Variants in REPS2 observed in about 807,000 individuals in gnomAD.
REPS2 encodes RALBP1 associated Eps domain containing 2.
A neutral mutation model predicts 53.6 loss-of-function variants in REPS2; 23 were observed. The ratio of observed to expected loss-of-function variants is 0.43; its 90% CI spans 0.31 to 0.61. The LOEUF (loss-of-function observed/expected upper bound fraction) is 0.61, where lower values mean the gene tolerates loss of function less well. Ranked by LOEUF, REPS2 falls within the 20% of genes least tolerant of loss-of-function variation. The pLI, the probability that REPS2 is intolerant of heterozygous loss-of-function variation, is 0.11. For synonymous variants in REPS2, 238 were observed against 218.6 expected, an observed-to-expected ratio of 1.09 and a Z score of -0.78; for missense variants, 446 against 534.9, an observed-to-expected ratio of 0.83 and a Z score of 1.64.
chrX:17,040,398 A>T (rs1399912513), intron 5 of REPS2, among the ~76,000 whole-genome samples: 2 of 111,621 alleles, frequency 1.8e-5, no homozygotes, highest in Admixed American at 1.9e-4. Context: ...AATTTTTTCG[A>T]ATGTTTGTTT....
chrX:17,137,062 T>G (rs1329995615), intron 16 of REPS2: 1 of 112,738 alleles, frequency 8.9e-6, no homozygotes, highest in Admixed American at 9.4e-5. Context: ...TGGTTATTTC[T>G]GCTTTTTTGG....
chrX:16,968,168 A>C (rs376964557), intron 1 of REPS2, among the ~76,000 whole-genome samples: 88 of 111,512 alleles, frequency 7.9e-4, no homozygotes, highest in East Asian at 6.3e-3. Flanking sequence ...GTAAGGTCAC[A>C]GATCAACAGG....
chrX:17,155,992 A>G (rs1430346050), downstream of REPS2, among the ~76,000 whole-genome samples: 2 of 112,005 alleles, frequency 1.8e-5, no homozygotes, highest in African/African-American at 6.5e-5. Context: ...TTCCTTTTGA[A>G]CAAGAGTGCT....
chrX:16,969,135 G>A (rs1168749597), intron 1 of REPS2, among the ~76,000 whole-genome samples: 12 of 109,470 alleles, frequency 1.1e-4, no homozygotes, highest in Admixed American at 9.6e-4. Flanking sequence ...ATGGGCGGCC[G>A]GGCAGAGACG....
intron 1 of REPS2, among the ~76,000 whole-genome samples, chrX:16,998,031 G>A (rs2061252990): frequency 9.1e-6 from 1 of 109,517 alleles, no homozygotes; most frequent in South Asian, 4.0e-4. Flanking sequence ...GATTGCTGGA[G>A]TCCAGGAGTT....
At position 17,128,407 on chromosome X, in the gene REPS2, TG is replaced by T. The variant is rs2063245972; in HGVS notation, c.1579-5412del. ...GTCAGTCATTATAGGCTGCTGGAGG[TG>T]GGGGTGGGAGGTAGGCTCCCATTAG... On this transcript the variant is annotated intron_variant, in intron 14 of 17. Coordinates refer to ENST00000357277, the MANE Select transcript of REPS2 (RefSeq NM_004726.3). Among the ~76,000 whole-genome samples, 3 of 74,573 alleles carry T rather than the reference TG, an allele frequency of 4.0e-5. No individual in the cohort carries two copies. The South Asian group carries it at 1.8e-3, about 45-fold the overall frequency. 64.8% of individuals were successfully genotyped at this position (74,573 alleles called of 115,157 possible). A position where few individuals can be genotyped will look rare whatever the true frequency, so the allele number is the denominator to read the frequency against.
At chrX:17,052,170 T>G (rs2062012362) in intron 6 of REPS2, among the ~76,000 whole-genome samples, 3 of 112,459 alleles carry the variant, frequency 2.7e-5, no homozygotes, top group Admixed American at 1.9e-4. Context: ...TGTTATTGCT[T>G]CTTTTGCCCT....
chrX:17,100,474 G>A (rs1005415535), intron 13 of REPS2, among the ~76,000 whole-genome samples: 6 of 112,236 alleles, frequency 5.3e-5, no homozygotes, highest in Non-Finnish European at 1.9e-5. Flanking sequence ...ATGGTGTACC[G>A]CAGGCCTCGG....
intron 6 of REPS2, among the ~76,000 whole-genome samples, chrX:17,049,688 A>G (rs1227663287): frequency 3.6e-5 from 4 of 111,298 alleles, no homozygotes; most frequent in Admixed American, 2.9e-4. Flanking sequence ...TAAGCACATC[A>G]TGAAGAATGG....
At chrX:17,047,224 A>C in intron 5 of REPS2, 123 bp from the exon 6 acceptor site, 3 of 701,119 alleles carry the variant, frequency 4.3e-6, no homozygotes. Flanking sequence ...GAGGCAGTTA[A>C]ATTTCTTCAC....
At chrX:17,012,380 A>AAACAACAACAACAACAACAACAAC (rs370794081) in intron 2 of REPS2, among the ~76,000 whole-genome samples, 1 of 101,904 alleles carries the variant, frequency 9.8e-6, no homozygotes, top group African/African-American at 3.7e-5. Flanking sequence ...TGCCATCTCA[A>AAACAACAACAACAACAACAACAAC]AACAACAACA....
At chrX:17,066,718 A>C (rs1013463347) in intron 9 of REPS2, among the ~76,000 whole-genome samples, 1 of 112,069 alleles carries the variant, frequency 8.9e-6, no homozygotes, top group African/African-American at 3.2e-5. Context: ...TTAAAAATAC[A>C]AAAAATTAGC....
chrX:17,102,073 GTTATGTTATT>G (rs543799121), intron 13 of REPS2, among the ~76,000 whole-genome samples: 22,002 of 91,323 alleles, frequency 0.24, 2,516 homozygotes, highest in East Asian at 0.43. Flanking sequence ...GTTATGTTAT[GTTATGTTATT>G]TTATTTTATT....
At chrX:16,993,590 C>T (rs984599634) in intron 1 of REPS2, among the ~76,000 whole-genome samples, 12 of 112,209 alleles carry the variant, frequency 1.1e-4, no homozygotes, top group African/African-American at 3.9e-4. Context: ...CAATAGTCAA[C>T]TGCAGAAGCA....
chrX:17,016,967 T>C (rs2061506120), intron 2 of REPS2, among the ~76,000 whole-genome samples: 1 of 110,629 alleles, frequency 9.0e-6, no homozygotes, highest in Non-Finnish European at 1.9e-5. Flanking sequence ...CACAGGATAA[T>C]GGATTAAAAT....
chrX:16,985,307 C>T (rs757169986), intron 1 of REPS2, among the ~76,000 whole-genome samples: 2 of 112,058 alleles, frequency 1.8e-5, no homozygotes, highest in African/African-American at 6.5e-5. Flanking sequence ...ATGAAATAAA[C>T]GTTTGCACTT....
intron 1 of REPS2, among the ~76,000 whole-genome samples, chrX:16,951,551 ACACACACACC>A (rs1210077302): frequency 0.022 from 686 of 30,953 alleles, 17 homozygotes; most frequent in Middle Eastern, 0.081. Context: ...ACACACACAC[ACACACACACC>A]CCCGCTACCT....
the REPS2 span, among the ~76,000 whole-genome samples, chrX:17,181,329 C>T: frequency 8.8e-6 from 1 of 113,123 alleles, no homozygotes; most frequent in East Asian, 2.8e-4. Flanking sequence ...CCTGTATCCA[C>T]ACTCTTGCAA....
At chrX:17,050,691 T>C (rs1241682971) in intron 6 of REPS2, among the ~76,000 whole-genome samples, 1 of 111,525 alleles carries the variant, frequency 9.0e-6, no homozygotes, top group Non-Finnish European at 1.9e-5. Flanking sequence ...TCATTTAGCA[T>C]AATGTTTTAG....
Sources: allele counts gnomAD v4.1 joint callset (sites outside exome capture counted in the v4.1 genomes callset), GRCh38; gene constraint gnomAD v4.1.1; transcripts MANE v1.5; gene names NCBI Gene and HGNC (gene_info 2026-07-23, HGNC 2026-07-21).